Variants in CDH13 observed in about 807,000 individuals in gnomAD.
CDH13 encodes the protein cadherin 13.
A neutral mutation model predicts 63.8 loss-of-function variants in CDH13; 24 were observed. That is an observed-to-expected ratio of 0.38 (90% confidence interval 0.27 to 0.53). The LOEUF (loss-of-function observed/expected upper bound fraction) is 0.53. CDH13 is among the 20% of genes least tolerant of loss of function. The probability of loss-of-function intolerance (pLI) is 0.85; values close to 1 mark genes in which losing one functional copy is unlikely to be tolerated. For synonymous variants in CDH13, 503 were observed against 355.3 expected (o/e 1.42, Z -4.67); for missense variants, 1,049 against 903.1 (o/e 1.16, Z -2.07).
rs145326960 is a variant in CDH13 at position 82,648,440 on chromosome 16, G to T, written c.45+21303G>T. 8.5e-4 allele frequency among the ~76,000 whole-genome samples: 130 copies of T among 152,268 alleles called. 2 individuals carry two copies. In the East Asian group the frequency reaches 0.021, roughly 25 times the overall value. Reference sequence around the variant, plus strand: ...TTAGATTTCCAGCAAATGAAAACAGGTTAGGCAGCTCAATAGAATATTACA... The same window carrying T: ...TTAGATTTCCAGCAAATGAAAACAGTTTAGGCAGCTCAATAGAATATTACA... On this transcript the variant is annotated intron_variant, in intron 1 of 13. Coordinates refer to ENST00000567109, the MANE Select transcript of CDH13 (RefSeq NM_001257.5).
At chr16:82,974,729 T>C (rs1201879681) in intron 2 of CDH13, among the ~76,000 whole-genome samples, 4 of 152,064 alleles carry the variant, frequency 2.6e-5, no homozygotes, top group African/African-American at 7.2e-5. Context: ...ATTGCTGTCT[T>C]TGAAGATAGA....
At chr16:83,137,769 G>T (rs923539110) in intron 4 of CDH13, among the ~76,000 whole-genome samples, 3 of 152,144 alleles carry the variant, frequency 2.0e-5, no homozygotes, top group African/African-American at 7.2e-5. Context: ...GCCTTTTCAC[G>T]GTCCAATTAC....
chr16:82,807,038 A>G (rs1170915947), intron 1 of CDH13, among the ~76,000 whole-genome samples: 2 of 152,006 alleles, frequency 1.3e-5, no homozygotes, highest in East Asian at 3.9e-4. Flanking sequence ...AGTCCAAATG[A>G]CAAGTAACTT....
chr16:82,944,872 G>C (rs971718239), intron 2 of CDH13, among the ~76,000 whole-genome samples: 1 of 151,958 alleles, frequency 6.6e-6, no homozygotes, highest in African/African-American at 2.4e-5. Flanking sequence ...CAAGGTATTA[G>C]GTAAAGCAGG....
At chr16:83,383,981 C>T (rs539463875) in intron 6 of CDH13, among the ~76,000 whole-genome samples, 6 of 152,174 alleles carry the variant, frequency 3.9e-5, no homozygotes, top group African/African-American at 7.2e-5. Flanking sequence ...CACAAATATA[C>T]GTACATATAT....
chr16:82,647,325 G>A (rs1047224605), intron 1 of CDH13, among the ~76,000 whole-genome samples: 1 of 152,208 alleles, frequency 6.6e-6, no homozygotes, highest in African/African-American at 2.4e-5. Flanking sequence ...CCATGGTTGT[G>A]AGTGACTTGG....
At chr16:83,680,347 C>G (rs1915305788) in intron 10 of CDH13, among the ~76,000 whole-genome samples, 1 of 152,198 alleles carries the variant, frequency 6.6e-6, no homozygotes, top group Non-Finnish European at 1.5e-5. Context: ...TTCCCAGATA[C>G]ACAGCACAGA....
chr16:83,324,832 A>G (rs1038084702), intron 5 of CDH13, among the ~76,000 whole-genome samples: 10 of 152,122 alleles, frequency 6.6e-5, no homozygotes, highest in African/African-American at 2.4e-4. Flanking sequence ...CTGCCAGACT[A>G]TTTTCCAGTT....
At chr16:82,975,934 C>T (rs1167361149) in intron 2 of CDH13, among the ~76,000 whole-genome samples, 1 of 152,102 alleles carries the variant, frequency 6.6e-6, no homozygotes, top group East Asian at 1.9e-4. Flanking sequence ...AGCGCTCTCC[C>T]CCAGCACTTT....
chr16:83,570,646 T>G (rs1904492150), intron 7 of CDH13, among the ~76,000 whole-genome samples: 1 of 150,660 alleles, frequency 6.6e-6, no homozygotes, highest in Non-Finnish European at 1.5e-5. Flanking sequence ...CATCCTAGTA[T>G]TCCCAGAGAT....
chr16:82,736,946 C>T (rs2033704711), intron 1 of CDH13, among the ~76,000 whole-genome samples: 1 of 152,090 alleles, frequency 6.6e-6, no homozygotes, highest in South Asian at 2.1e-4. Flanking sequence ...AATCGTGTTT[C>T]TTCCTCCCCT....
intron 5 of CDH13, among the ~76,000 whole-genome samples, chr16:83,335,265 C>T (rs2090568448): frequency 6.6e-6 from 1 of 152,122 alleles, no homozygotes; most frequent in Non-Finnish European, 1.5e-5. Context: ...AGTTGAGATT[C>T]CACTACGGTG....
At chr16:83,599,632 T>C (rs565493103) in intron 7 of CDH13, among the ~76,000 whole-genome samples, 1 of 152,228 alleles carries the variant, frequency 6.6e-6, no homozygotes, top group South Asian at 2.1e-4. Flanking sequence ...GGCCTAATAA[T>C]AGAAGACAAG....
At chr16:82,671,997 G>A (rs577267669) in intron 1 of CDH13, among the ~76,000 whole-genome samples, 2 of 152,104 alleles carry the variant, frequency 1.3e-5, no homozygotes, top group East Asian at 3.9e-4. Context: ...ACCTGCTTTG[G>A]AAAGAATGGC....
chr16:83,206,830 G>A (rs1270814148), intron 4 of CDH13, among the ~76,000 whole-genome samples: 1 of 152,212 alleles, frequency 6.6e-6, no homozygotes, highest in Non-Finnish European at 1.5e-5. Flanking sequence ...ACACTGACCA[G>A]AGTATTTTTC....
At chr16:83,545,740 G>A (rs1277586607) in intron 7 of CDH13, among the ~76,000 whole-genome samples, 1 of 152,132 alleles carries the variant, frequency 6.6e-6, no homozygotes, top group Non-Finnish European at 1.5e-5. Context: ...TATCAAGCAA[G>A]CCCTCCTCAT....
intron 1 of CDH13, among the ~76,000 whole-genome samples, chr16:82,668,670 G>A (rs1167276970): frequency 6.6e-6 from 1 of 152,170 alleles, no homozygotes; most frequent in Non-Finnish European, 1.5e-5. Flanking sequence ...CTGTGTTTTG[G>A]CAAGAGTTCT....
At chr16:83,054,246 C>T (rs894871901) in intron 3 of CDH13, among the ~76,000 whole-genome samples, 1 of 152,200 alleles carries the variant, frequency 6.6e-6, no homozygotes, top group Non-Finnish European at 1.5e-5. Context: ...CTATAGTATG[C>T]TTTTCCTATA....
chr16:82,905,733 C>T (rs1441353251), intron 2 of CDH13, among the ~76,000 whole-genome samples: 1 of 152,048 alleles, frequency 6.6e-6, no homozygotes, highest in Non-Finnish European at 1.5e-5. Context: ...ATTGTGTAAT[C>T]AATATGATAA....
Sources: allele counts gnomAD v4.1 joint callset (sites outside exome capture counted in the v4.1 genomes callset), GRCh38; gene constraint gnomAD v4.1.1; transcripts MANE v1.5; gene names NCBI Gene and HGNC (gene_info 2026-07-23, HGNC 2026-07-21).